Variants in KATNIP observed in about 807,000 individuals in gnomAD.
KATNIP encodes katanin-interacting protein.
In KATNIP, 126 loss-of-function variants were observed where a neutral mutation model predicts 174.0. That is an observed-to-expected ratio of 0.72 (90% CI 0.63 to 0.84). The LOEUF (loss-of-function observed/expected upper bound fraction) is 0.84. Ranked by LOEUF, KATNIP falls within the 40% of genes least tolerant of loss-of-function variation. The pLI, the probability that KATNIP is intolerant of heterozygous loss-of-function variation, is 0.00. For missense variants in KATNIP, 1,958 were observed against 2,109.7 expected, an observed-to-expected ratio of 0.93 and a Z score of 1.41; for synonymous variants, 810 against 835.7, an observed-to-expected ratio of 0.97 and a Z score of 0.53.
At chr16:27,571,114 C>A (rs1596750974) in intron 1 of KATNIP, among the ~76,000 whole-genome samples, 1 of 152,260 alleles carries the variant, frequency 6.6e-6, no homozygotes, top group East Asian at 1.9e-4. Context: ...CTCACTGCAA[C>A]TTCTGCCTCC....
chr16:27,695,725 A>G (rs1486212747), intron 8 of KATNIP, among the ~76,000 whole-genome samples: 2 of 151,942 alleles, frequency 1.3e-5, no homozygotes, highest in Non-Finnish European at 2.9e-5. Flanking sequence ...CAGTAGGTAA[A>G]CTCTTTAAGC....
chr16:27,673,906 C>T (rs150727365), intron 6 of KATNIP, among the ~76,000 whole-genome samples: 160 of 152,336 alleles, frequency 1.1e-3, no homozygotes, highest in African/African-American at 3.6e-3. Flanking sequence ...CAGCCACCAC[C>T]CAGTCATCAA....
intron 19 of KATNIP, among the ~76,000 whole-genome samples, chr16:27,764,124 T>C (rs549321348): frequency 6.6e-6 from 1 of 152,358 alleles, no homozygotes; most frequent in South Asian, 2.1e-4. Context: ...CTTTTTTAAA[T>C]TTATTTGCTG....
At chr16:27,593,076 C>T (rs967198989) in intron 2 of KATNIP, among the ~76,000 whole-genome samples, 3 of 152,130 alleles carry the variant, frequency 2.0e-5, no homozygotes, top group African/African-American at 7.2e-5. Flanking sequence ...TATCTATCTA[C>T]CTCTCTGCTT....
At chr16:27,641,078 C>T (rs137989040) in intron 5 of KATNIP, among the ~76,000 whole-genome samples, 15 of 151,236 alleles carry the variant, frequency 9.9e-5, no homozygotes, top group South Asian at 8.3e-4. Flanking sequence ...GCAGAGGTTG[C>T]AGTGAGCTGA....
intron 22 of KATNIP, 34 bp downstream of exon 22, chr16:27,771,686 T>G: frequency 6.2e-7 from 1 of 1,609,090 alleles, no homozygotes; most frequent in Non-Finnish European, 8.5e-7. Context: ...CAGCACATTC[T>G]GGGCCCCGAG....
intron 8 of KATNIP, among the ~76,000 whole-genome samples, chr16:27,683,952 A>AC (rs565578998): frequency 1.2e-4 from 18 of 150,470 alleles, no homozygotes; most frequent in Admixed American, 1.1e-3. Context: ...CACTGCACGA[A>AC]CCCCCCTAGA....
At chr16:27,687,841 C>T (rs1037386358) in intron 8 of KATNIP, among the ~76,000 whole-genome samples, 6 of 152,194 alleles carry the variant, frequency 3.9e-5, no homozygotes, top group Admixed American at 1.3e-4. Context: ...ACTTAGTGTT[C>T]CTGTCAGGAA....
At chr16:27,749,418 C>G (rs968175926) in intron 15 of KATNIP, among the ~76,000 whole-genome samples, 166 bp from the exon 16 acceptor site, 1 of 152,170 alleles carries the variant, frequency 6.6e-6, no homozygotes, top group Admixed American at 6.5e-5. Flanking sequence ...GCCAAGAGGC[C>G]TCTTGGCTAA....
At chr16:27,629,777 G>A (rs369964213) in intron 4 of KATNIP, among the ~76,000 whole-genome samples, 15 of 152,306 alleles carry the variant, frequency 9.8e-5, no homozygotes, top group African/African-American at 3.4e-4. Context: ...ACTTTGGGAG[G>A]CCAAGGTGGG....
intron 4 of KATNIP, among the ~76,000 whole-genome samples, chr16:27,630,754 C>T (rs1271699116): frequency 6.6e-6 from 1 of 152,224 alleles, no homozygotes; most frequent in Non-Finnish European, 1.5e-5. Context: ...TACCTACTGT[C>T]CTGAACCTTG....
rs147014153 is a variant in KATNIP at position 27,701,206 on chromosome 16, G to A, written c.1180-383G>A. Among the ~76,000 whole-genome samples the A allele has an allele frequency of 1.5e-3, 228 of 151,992 alleles. 1 individual carries two copies. Among genetic ancestry groups the A allele is most frequent in the African/African-American group, 5.3e-3 (220 of 41,450 alleles). On this transcript the variant is annotated intron_variant, in intron 10 of 27. Transcript: ENST00000261588. ...AGTGTCTCACTCTGTCACCCAGGCT[G>A]GAGTGCAGTGGCATGACCATAGCTT... is the stretch of plus-strand genomic sequence containing the variant.
At chr16:27,670,790 CA>C (rs887006562) in intron 6 of KATNIP, among the ~76,000 whole-genome samples, 9 of 152,128 alleles carry the variant, frequency 5.9e-5, no homozygotes, top group South Asian at 2.1e-4. Context: ...GTAAACGTAT[CA>C]TTTTTTTAAA....
intron 1 of KATNIP, among the ~76,000 whole-genome samples, chr16:27,572,368 C>CACACACACACACACACACAA (rs1395339517): frequency 6.7e-6 from 1 of 150,048 alleles, no homozygotes. Flanking sequence ...AGAAAACACA[C>CACACACACACACACACACAA]ACACACACAC....
intron 14 of KATNIP, among the ~76,000 whole-genome samples, chr16:27,728,179 A>G (rs1336234281): frequency 6.6e-6 from 1 of 152,262 alleles, no homozygotes; most frequent in Non-Finnish European, 1.5e-5. Context: ...TAGCAGGGCA[A>G]CTGGTGGAAA....
chr16:27,708,392 G>C (rs905460953), intron 12 of KATNIP: 2 of 277,344 alleles, frequency 7.2e-6, no homozygotes, highest in Non-Finnish European at 1.4e-5. Context: ...ACTGAGTAGT[G>C]GGGGAGAGAC....
chr16:27,627,160 G>T (rs968495302), intron 3 of KATNIP, among the ~76,000 whole-genome samples: 5 of 152,128 alleles, frequency 3.3e-5, no homozygotes, highest in African/African-American at 1.2e-4. Context: ...AACATCTTTA[G>T]TCCCCCGATA....
At chr16:27,699,356 G>A (rs75986787) in intron 9 of KATNIP, 178 bp from the exon 10 acceptor site, 3 of 736,204 alleles carry the variant, frequency 4.1e-6, no homozygotes, top group East Asian at 2.6e-4. Flanking sequence ...GATCTTTGGG[G>A]CATCCATCGA....
At chr16:27,586,917 T>C (rs2090924911) in intron 2 of KATNIP, among the ~76,000 whole-genome samples, 2 of 150,260 alleles carry the variant, frequency 1.3e-5, no homozygotes, top group Non-Finnish European at 3.0e-5. Context: ...AACTTCTTCT[T>C]CTTTTTTTTT....
Sources: gnomAD v4.1 joint callset for allele counts (sites outside exome capture counted in the v4.1 genomes callset) on GRCh38, gnomAD v4.1.1 for gene constraint, MANE v1.5 for transcripts, NCBI Gene and HGNC (gene_info 2026-07-23, HGNC 2026-07-21) for gene names.